The following NIM1K variants were observed in gnomAD, a reference collection of about 807,000 sequenced individuals.
NIM1K encodes NIM1 serine/threonine protein kinase, also known as serine/threonine-protein kinase NIM1.
A neutral mutation model predicts 37.1 loss-of-function variants in NIM1K; 35 were observed. The ratio of observed to expected loss-of-function variants is 0.94; its 90% CI spans 0.72 to 1.25. The LOEUF is 1.25. NIM1K is among the 50% of genes most tolerant of loss of function. The probability of loss-of-function intolerance (pLI) is 0.00; values close to 1 mark genes in which losing one functional copy is unlikely to be tolerated. For missense variants in NIM1K, 564 were observed against 548.0 expected (o/e 1.03, Z -0.29); for synonymous variants, 234 against 206.6 (o/e 1.13, Z -1.14).
intron 2 of NIM1K, among the ~76,000 whole-genome samples, chr5:43,256,190 G>A (rs553985397): frequency 6.6e-6 from 1 of 152,116 alleles, no homozygotes; most frequent in Non-Finnish European, 1.5e-5. Flanking sequence ...TATCACTCTG[G>A]CAGCTTTGTT....
At position 43,277,283 on chromosome 5, in the gene NIM1K, C is replaced by G. The variant is rs768560019; in HGVS notation, c.519C>G (p.Ser173Arg). 2 of 1,614,084 alleles carry G rather than the reference C, an allele frequency of 1.2e-6. No homozygotes were observed. Among genetic ancestry groups the G allele is most frequent in the Admixed American group, 3.3e-5 (2 of 60,020 alleles). The change falls in exon 3 of 4, where the codon AGC becomes AGG. Residue 173 changes from serine (S) to arginine (R), a missense_variant. Ser to Arg is a moderately radical substitution (Grantham distance 110). Coordinates refer to ENST00000326035, the MANE Select transcript of NIM1K (RefSeq NM_153361.4). The part of the protein sequence containing the change: ...STEGKLSEPE[S>R]KLIFSQIVSA... ...AGGGGAAGCTCTCTGAACCAGAAAG[C>G]AAGCTCATCTTCTCCCAGATTGTGT...
At chr5:43,265,960 G>A (rs1410639487) in intron 2 of NIM1K, among the ~76,000 whole-genome samples, 2 of 152,232 alleles carry the variant, frequency 1.3e-5, no homozygotes, top group African/African-American at 4.8e-5. Flanking sequence ...AATAGCAAAT[G>A]TTGCTGCCTG....
chr5:43,247,185 G>A (rs766626712), intron 2 of NIM1K, among the ~76,000 whole-genome samples: 3 of 152,044 alleles, frequency 2.0e-5, no homozygotes, highest in South Asian at 2.1e-4. Flanking sequence ...CCAAGTCACC[G>A]GAGTTTCACG....
intron 1 of NIM1K, among the ~76,000 whole-genome samples, chr5:43,239,019 C>T (rs1752659893): frequency 6.6e-6 from 1 of 151,602 alleles, no homozygotes; most frequent in Non-Finnish European, 1.5e-5. Context: ...TTTGATCCTG[C>T]TTTATTCCTC....
In NIM1K at chr5:43,217,297, G is replaced by A. The variant is rs79374839; in HGVS notation, c.-695+24886G>A. 9.3e-3 allele frequency among the ~76,000 whole-genome samples: 1,411 copies of A among 151,876 alleles called. 54 individuals are homozygous for A. Among genetic ancestry groups the A allele is most frequent in the Admixed American group, 0.067 (1,016 of 15,246 alleles). On this transcript the variant is annotated intron_variant, in intron 1 of 3. Transcript: ENST00000326035. Reference sequence around the variant, plus strand: ...AGTCATTCATGTTGTAGCATGTATCGGTGCTTCATTTCTATTTATTACTGA... The same window carrying A: ...AGTCATTCATGTTGTAGCATGTATCAGTGCTTCATTTCTATTTATTACTGA...
At chr5:43,202,041 T>G (rs569411526) in intron 1 of NIM1K, among the ~76,000 whole-genome samples, 57 of 152,254 alleles carry the variant, frequency 3.7e-4, no homozygotes, top group Admixed American at 1.2e-3. Context: ...GATTGTGACC[T>G]TGAGCTATTT....
At chr5:43,231,799 T>C (rs1293469769) in intron 1 of NIM1K, 14 of 1,220,770 alleles carry the variant, frequency 1.1e-5, no homozygotes, top group Non-Finnish European at 1.6e-5. Context: ...AGCACCTTTG[T>C]GACGTTTTCA....
chr5:43,257,361 T>A (rs1389104133), intron 2 of NIM1K, among the ~76,000 whole-genome samples: 1 of 109,422 alleles, frequency 9.1e-6, no homozygotes, highest in African/African-American at 3.5e-5. Context: ...GTAAAGTGAC[T>A]CTTTTTTTTT....
chr5:43,257,362 C>CTT (rs36108441), intron 2 of NIM1K, among the ~76,000 whole-genome samples: 43 of 58,776 alleles, frequency 7.3e-4, no homozygotes, highest in East Asian at 6.4e-3. Context: ...TAAAGTGACT[C>CTT]TTTTTTTTTT....
At chr5:43,255,001 A>C (rs1752919259) in intron 2 of NIM1K, among the ~76,000 whole-genome samples, 2 of 152,352 alleles carry the variant, frequency 1.3e-5, no homozygotes, top group South Asian at 4.1e-4. Context: ...TAAATCATAT[A>C]TTGGAAATAC....
At position 43,246,068 on chromosome 5, in the gene NIM1K, G is replaced by A. The variant is rs1752776051; in HGVS notation, c.292+1G>A. ...CTTGGGATTCACTCCCTAACCAAAG[G>A]TAGGATCCGACTTCCCAAGGGTCAT... On this transcript the variant is annotated splice_donor_variant, in intron 2 of 3. Transcript: ENST00000326035. LOFTEE classifies it high-confidence loss of function. 1 of 1,605,708 alleles carries A rather than the reference G, an allele frequency of 6.2e-7. No homozygotes were observed. The highest frequency in any genetic ancestry group is 1.7e-4 in the Middle Eastern group (1 of 6,004).
rs186717852 is a variant in NIM1K, at chr5:43,276,128, C to T, written c.293-929C>T. ...CAGGCTGGTCTCAAACTCCCAACCT[C>T]GTGATCCTCCCGCCTTGGCCTCCCG... is the stretch of plus-strand genomic sequence containing the variant. On this transcript the variant is annotated intron_variant, in intron 2 of 3. Transcript: ENST00000326035. Among the ~76,000 whole-genome samples, 79 of 152,236 alleles carry T rather than the reference C, an allele frequency of 5.2e-4. No homozygotes were observed. The South Asian group carries it at 7.2e-3, about 14-fold the overall frequency.
intron 2 of NIM1K, among the ~76,000 whole-genome samples, chr5:43,251,295 A>G (rs1258451657): frequency 2.0e-5 from 3 of 152,230 alleles, no homozygotes; most frequent in African/African-American, 7.2e-5. Context: ...TCAATCTCAG[A>G]CTTTCTCTTT....
chr5:43,203,699 C>T (rs911621127), intron 1 of NIM1K, among the ~76,000 whole-genome samples: 3 of 152,122 alleles, frequency 2.0e-5, no homozygotes, highest in Non-Finnish European at 4.4e-5. Context: ...ACTATGGTGA[C>T]ATTACCAGAG....
chr5:43,222,194 T>A (rs1042978282), intron 1 of NIM1K, among the ~76,000 whole-genome samples: 3 of 152,170 alleles, frequency 2.0e-5, no homozygotes, highest in African/African-American at 7.2e-5. Flanking sequence ...GATTGTCAGC[T>A]CCCTTTGTGA....
chr5:43,243,798 G>A (rs1270080855), intron 1 of NIM1K, among the ~76,000 whole-genome samples: 7 of 152,276 alleles, frequency 4.6e-5, no homozygotes, highest in Middle Eastern at 3.4e-3. Context: ...ACCTCAGTCT[G>A]TAGGTGTAGC....
intron 1 of NIM1K, among the ~76,000 whole-genome samples, chr5:43,199,204 A>AAAAAAATAT (rs1200134957): frequency 2.1e-5 from 2 of 94,066 alleles, no homozygotes; most frequent in African/African-American, 3.9e-5. Flanking sequence ...AAAAAAAAAA[A>AAAAAAATAT]ATATATATAT....
intron 2 of NIM1K, among the ~76,000 whole-genome samples, chr5:43,268,396 T>C (rs1409275260): frequency 6.6e-6 from 1 of 152,028 alleles, no homozygotes; most frequent in Non-Finnish European, 1.5e-5. Context: ...GGGGAAGGGA[T>C]TGGGCTGACC....
chr5:43,242,190 T>C (rs1207207696), intron 1 of NIM1K, among the ~76,000 whole-genome samples: 1 of 151,976 alleles, frequency 6.6e-6, no homozygotes, highest in African/African-American at 2.4e-5. Context: ...TATTTGGCAA[T>C]TGTACCTGTG....
Sources: gnomAD v4.1 joint callset for allele counts (sites outside exome capture counted in the v4.1 genomes callset) on GRCh38, gnomAD v4.1.1 for gene constraint, MANE v1.5 for transcripts, NCBI Gene and HGNC (gene_info 2026-07-23, HGNC 2026-07-21) for gene names.